The following EDAR variants were observed in gnomAD, a reference collection of about 807,000 sequenced individuals.
EDAR encodes the protein tumor necrosis factor receptor superfamily member EDAR.
Under a neutral mutation model 51.3 loss-of-function variants are expected in EDAR, and 38 were observed. That is an observed-to-expected ratio of 0.74 (90% CI 0.57 to 0.97). The LOEUF is 0.97. EDAR is among the 50% of genes least tolerant of loss of function. The pLI is 0.00. For missense variants in EDAR, 528 were observed against 595.0 expected, an observed-to-expected ratio of 0.89 and a Z score of 1.17; for synonymous variants, 227 against 242.1, an observed-to-expected ratio of 0.94 and a Z score of 0.58.
intron 3 of EDAR, among the ~76,000 whole-genome samples, chr2:108,929,841 T>A (rs1697331272): frequency 6.6e-6 from 1 of 152,232 alleles, no homozygotes. Context: ...TCCAATCAGA[T>A]GATCTGACGC....
intron 1 of EDAR, among the ~76,000 whole-genome samples, chr2:108,982,033 C>T (rs778666407): frequency 6.6e-6 from 1 of 152,230 alleles, no homozygotes; most frequent in East Asian, 1.9e-4. Context: ...GTCAGTGCAA[C>T]GGCAGGGACA....
chr2:108,919,436 G>A (rs1697090884), intron 5 of EDAR, among the ~76,000 whole-genome samples: 1 of 152,112 alleles, frequency 6.6e-6, no homozygotes, highest in South Asian at 2.1e-4. Flanking sequence ...TCAGTTCACC[G>A]CAACCTCCAT....
At chr2:108,906,628 AC>A (rs1238816510) in intron 10 of EDAR, among the ~76,000 whole-genome samples, 1 of 152,074 alleles carries the variant, frequency 6.6e-6, no homozygotes, top group Non-Finnish European at 1.5e-5. Flanking sequence ...ACTTGGGGAC[AC>A]CCCTGGCATC....
chr2:108,976,578 A>C (rs1423718319), intron 1 of EDAR, among the ~76,000 whole-genome samples: 1 of 152,136 alleles, frequency 6.6e-6, no homozygotes, highest in African/African-American at 2.4e-5. Flanking sequence ...TACATGAATT[A>C]CCTGGAGTTC....
chr2:108,981,401 G>A (rs1194718544), intron 1 of EDAR, among the ~76,000 whole-genome samples: 2 of 152,168 alleles, frequency 1.3e-5, no homozygotes, highest in African/African-American at 4.8e-5. Flanking sequence ...TGTCTGGCGC[G>A]TCTTAGGTCT....
chr2:108,947,736 G>T (rs1558826338), intron 1 of EDAR, among the ~76,000 whole-genome samples: 1 of 152,060 alleles, frequency 6.6e-6, no homozygotes, highest in Non-Finnish European at 1.5e-5. Flanking sequence ...GGCTGCACAG[G>T]GCCCATGAAA....
At chr2:108,938,923 G>A (rs1697530400) in intron 1 of EDAR, among the ~76,000 whole-genome samples, 2 of 151,604 alleles carry the variant, frequency 1.3e-5, no homozygotes, top group Non-Finnish European at 2.9e-5. Context: ...GCGACTACAG[G>A]CACCCGCCAC....
intron 1 of EDAR, among the ~76,000 whole-genome samples, chr2:108,960,725 G>T (rs1574406231): frequency 1.3e-5 from 2 of 152,164 alleles, no homozygotes; most frequent in East Asian, 3.8e-4. Flanking sequence ...AAACATTATT[G>T]AGATTTTGAT....
At chr2:108,962,449 G>T (rs2104408172) in intron 1 of EDAR, among the ~76,000 whole-genome samples, 1 of 152,128 alleles carries the variant, frequency 6.6e-6, no homozygotes, top group African/African-American at 2.4e-5. Flanking sequence ...CGAGGCTGGT[G>T]GATCATGAGG....
chr2:108,932,014 A>G (rs1206956410), intron 1 of EDAR, among the ~76,000 whole-genome samples: 1 of 152,050 alleles, frequency 6.6e-6, no homozygotes, highest in East Asian at 1.9e-4. Flanking sequence ...CAAACTCCCT[A>G]AGACCTTTCA....
rs190334318 is a variant in EDAR, at chr2:108,907,031, C to T, written c.964-663G>A. The stretch of plus-strand genomic sequence containing the variant: ...CAGCCAGGGGCACAGGCTAGAGGGA[C>T]GACCACAGGCCAGGTCTACAGGGAG... On this transcript the variant is annotated intron_variant, in intron 10 of 11. Transcript: ENST00000258443. Among the ~76,000 whole-genome samples, 517 of 152,358 alleles carry T rather than the reference C, an allele frequency of 3.4e-3. 3 individuals are homozygous for T. The highest frequency in any genetic ancestry group is 0.011 in the African/African-American group (471 of 41,590).
At chr2:108,915,514 G>A (rs1697010747) in intron 5 of EDAR, among the ~76,000 whole-genome samples, 1 of 152,206 alleles carries the variant, frequency 6.6e-6, no homozygotes, top group African/African-American at 2.4e-5. Flanking sequence ...ATGATGAATG[G>A]AGGCTTTTTT....
chr2:108,921,186 A>G (rs1697131413), intron 5 of EDAR, among the ~76,000 whole-genome samples: 2 of 152,030 alleles, frequency 1.3e-5, no homozygotes, highest in Admixed American at 1.3e-4. Flanking sequence ...ACAGGTGCCT[A>G]GGCATAGGGT....
intron 1 of EDAR, among the ~76,000 whole-genome samples, chr2:108,950,005 C>T (rs899767875): frequency 2.6e-5 from 4 of 152,124 alleles, no homozygotes; most frequent in Admixed American, 6.5e-5. Flanking sequence ...GCAAACTGGA[C>T]AAATCAATTG....
chr2:108,924,874 C>G (rs549620239), intron 4 of EDAR, among the ~76,000 whole-genome samples: 2 of 152,374 alleles, frequency 1.3e-5, no homozygotes, highest in South Asian at 4.1e-4. Context: ...GCCACGTGGC[C>G]TTGTGAGTTC....
At chr2:108,988,649 C>T (rs1254195409) in intron 1 of EDAR, among the ~76,000 whole-genome samples, 1 of 152,176 alleles carries the variant, frequency 6.6e-6, no homozygotes, top group East Asian at 1.9e-4. Flanking sequence ...TTTTCACGCT[C>T]CCTGGAGGAA....
rs749715266 is a variant in EDAR, at chr2:108,911,024, G to C, written c.578C>G (p.Ser193Cys). The C allele has an allele frequency of 1.2e-6, 2 of 1,614,060 alleles. No individual in the cohort carries two copies. The highest frequency in any genetic ancestry group is 2.7e-5 in the African/African-American group (2 of 74,912). The stretch of plus-strand genomic sequence containing the variant: ...GGCGATGGCCATGATGAAGATGGTG[G>C]ACATTGCAATGATCAGGGCAGTGGC... ...HLATALIIAM[S>C]TIFIMAIAIV... The change falls in exon 7 of 12, where the codon TCC becomes TGC. Residue 193 changes from serine (S) to cysteine (C), a missense_variant. Ser to Cys is a moderately radical substitution (Grantham distance 112). Transcript: ENST00000258443.
At chr2:108,941,636 AC>A (rs1401252982) in intron 1 of EDAR, among the ~76,000 whole-genome samples, 1 of 152,202 alleles carries the variant, frequency 6.6e-6, no homozygotes, top group Non-Finnish European at 1.5e-5. Context: ...GCCCAGAGGC[AC>A]CCAGGGACTA....
At chr2:108,957,260 C>T (rs1042255719) in intron 1 of EDAR, among the ~76,000 whole-genome samples, 5 of 152,188 alleles carry the variant, frequency 3.3e-5, no homozygotes, top group African/African-American at 4.8e-5. Flanking sequence ...TGTTCACCTT[C>T]GCTTCGTGAG....
Sources: allele counts gnomAD v4.1 joint callset (sites outside exome capture counted in the v4.1 genomes callset), GRCh38; gene constraint gnomAD v4.1.1; transcripts MANE v1.5; gene names NCBI Gene and HGNC (gene_info 2026-07-23, HGNC 2026-07-21).